ANO5: variants seen among roughly 807,000 people sequenced by gnomAD.
ANO5 encodes the protein anoctamin 5, also known as anoctamin-5.
A neutral mutation model predicts 121.0 loss-of-function variants in ANO5; 109 were observed. The observed-to-expected ratio is 0.90, with a 90% CI of 0.77 to 1.06. The LOEUF is 1.06. Among genes scored for constraint, ANO5 ranks in the 50% least tolerant of loss-of-function variants. The pLI is 0.00. For missense variants in ANO5, 1,064 were observed against 1,078.5 expected (o/e 0.99, Z 0.19); for synonymous variants, 406 against 359.9 (o/e 1.13, Z -1.45).
In ANO5 at chr11:22,196,054, C is replaced by A. The variant is rs183609564; in HGVS notation, c.40+2522C>A. On this transcript the variant is annotated intron_variant, in intron 1 of 21. Coordinates refer to ENST00000324559, the MANE Select transcript of ANO5 (RefSeq NM_213599.3). ...TTCTTTTGCTGGTTTAGTTTTACTG[C>A]CCATTATTGAGACCTGTGTTCTTAT... 1.8e-3 allele frequency among the ~76,000 whole-genome samples: 273 copies of A among 152,234 alleles called. 3 individuals carry two copies. The highest frequency in any genetic ancestry group is 6.1e-3 in the African/African-American group (252 of 41,540).
chr11:22,249,579 G>A (rs1469863136), intron 9 of ANO5, among the ~76,000 whole-genome samples: 1 of 152,002 alleles, frequency 6.6e-6, no homozygotes, highest in Non-Finnish European at 1.5e-5. Flanking sequence ...CAAAACACTT[G>A]GTTGTGAGAA....
upstream of ANO5, chr11:22,192,891 C>A: frequency 1.3e-6 from 1 of 789,698 alleles, no homozygotes; most frequent in Non-Finnish European, 1.5e-6. Flanking sequence ...GTGCGGGAGG[C>A]GGCAGAGCAG....
chr11:22,241,732 G>C (rs191890420), intron 9 of ANO5, among the ~76,000 whole-genome samples: 49 of 152,044 alleles, frequency 3.2e-4, no homozygotes, highest in African/African-American at 1.1e-3. Flanking sequence ...TTATTTATTG[G>C]GGTTATTTGG....
At chr11:22,240,086 G>A (rs1202874431) in intron 9 of ANO5, among the ~76,000 whole-genome samples, 2 of 151,976 alleles carry the variant, frequency 1.3e-5, no homozygotes, top group Non-Finnish European at 2.9e-5. Flanking sequence ...TAGCATAGGG[G>A]CTAACACTTA....
intron 3 of ANO5, among the ~76,000 whole-genome samples, chr11:22,215,788 C>A (rs889707962): frequency 1.3e-5 from 2 of 151,838 alleles, no homozygotes; most frequent in Non-Finnish European, 2.9e-5. Flanking sequence ...AGAAAATTTC[C>A]ATTACCTCAA....
At chr11:22,206,421 A>AT (rs1852123767) in intron 2 of ANO5, among the ~76,000 whole-genome samples, 1 of 151,974 alleles carries the variant, frequency 6.6e-6, no homozygotes, top group Non-Finnish European at 1.5e-5. Flanking sequence ...GGTTTAAGTG[A>AT]TTCCCCTTCC....
intron 3 of ANO5, among the ~76,000 whole-genome samples, chr11:22,216,287 C>A (rs1382928069): frequency 1.3e-5 from 2 of 151,814 alleles, no homozygotes; most frequent in Non-Finnish European, 2.9e-5. Context: ...GTGGTTGTAC[C>A]ATTTTTTATT....
intron 17 of ANO5, among the ~76,000 whole-genome samples, chr11:22,264,027 T>TC (rs1854279858): frequency 6.7e-6 from 1 of 149,258 alleles, no homozygotes; most frequent in Non-Finnish European, 1.5e-5. Flanking sequence ...GCCAAACCTT[T>TC]TTTTTTTTTT....
intron 9 of ANO5, among the ~76,000 whole-genome samples, chr11:22,243,431 G>A (rs1853501511): frequency 2.0e-5 from 3 of 152,034 alleles, no homozygotes; most frequent in Non-Finnish European, 4.4e-5. Flanking sequence ...TGGTTTCATA[G>A]AACGAGTTAT....
intron 3 of ANO5, among the ~76,000 whole-genome samples, chr11:22,214,601 A>G (rs566100785): frequency 1.3e-5 from 2 of 152,086 alleles, no homozygotes; most frequent in South Asian, 4.2e-4. Context: ...AGAAGGAAGA[A>G]CTCATATACT....
intron 18 of ANO5, among the ~76,000 whole-genome samples, 155 bp downstream of exon 18, chr11:22,270,597 T>C (rs1429438143): frequency 6.6e-6 from 1 of 152,230 alleles, no homozygotes; most frequent in Non-Finnish European, 1.5e-5. Context: ...AGAAAATTTG[T>C]TCCCTATTTC....
At position 22,223,602 on chromosome 11, in the gene ANO5, G is replaced by A. The variant is rs376729021; in HGVS notation, c.295-2382G>A. Among the ~76,000 whole-genome samples, 705 of 152,104 alleles carry A rather than the reference G, an allele frequency of 4.6e-3. 2 individuals are homozygous for A. Among genetic ancestry groups the A allele is most frequent in the Non-Finnish European group, 8.1e-3 (551 of 67,960 alleles). On this transcript the variant is annotated intron_variant, in intron 5 of 21. Coordinates refer to ENST00000324559, the MANE Select transcript of ANO5 (RefSeq NM_213599.3). ...TTCTGGGAGTGGAGGGAACTCTTCA[G>A]AAAAGCAAGTCCCAGACACTAGGAC...
chr11:22,264,738 CAG>C (rs1854306357), intron 17 of ANO5, among the ~76,000 whole-genome samples: 1 of 152,036 alleles, frequency 6.6e-6, no homozygotes, highest in Middle Eastern at 3.4e-3. Flanking sequence ...TAAAAACTGA[CAG>C]AAATGAAATA....
intron 8 of ANO5, among the ~76,000 whole-genome samples, chr11:22,238,202 A>C (rs1319317567): frequency 6.6e-6 from 1 of 152,060 alleles, no homozygotes; most frequent in African/African-American, 2.4e-5. Flanking sequence ...CGTTTGGTAA[A>C]GCAGAAAGAT....
intron 3 of ANO5, among the ~76,000 whole-genome samples, chr11:22,211,822 G>C (rs947657560): frequency 6.6e-6 from 1 of 151,902 alleles, no homozygotes; most frequent in Non-Finnish European, 1.5e-5. Context: ...AGTAAAAAAT[G>C]CCTTTTGGGA....
chr11:22,262,052 T>G, intron 15 of ANO5, 77 bp from the exon 16 acceptor site: 1 of 1,407,946 alleles, frequency 7.1e-7, no homozygotes, highest in South Asian at 1.2e-5. Context: ...TGACTAGATG[T>G]TCACTTGTCC....
At chr11:22,197,468 T>G (rs571716481) in intron 1 of ANO5, among the ~76,000 whole-genome samples, 1 of 152,172 alleles carries the variant, frequency 6.6e-6, no homozygotes, top group East Asian at 1.9e-4. Flanking sequence ...ATACAGTTGG[T>G]ATTGGAAAAG....
chr11:22,202,431 A>G (rs1025252494), intron 1 of ANO5, among the ~76,000 whole-genome samples: 4 of 148,408 alleles, frequency 2.7e-5, no homozygotes, highest in African/African-American at 9.9e-5. Flanking sequence ...TTGGGTTGTG[A>G]AAAAGCTATA....
At chr11:22,257,178 T>C (rs1401959268) in intron 13 of ANO5, among the ~76,000 whole-genome samples, 1 of 152,152 alleles carries the variant, frequency 6.6e-6, no homozygotes, top group African/African-American at 2.4e-5. Context: ...AGCTGTATAA[T>C]CAATATCTTT....
Sources: allele counts gnomAD v4.1 joint callset (sites outside exome capture counted in the v4.1 genomes callset), GRCh38; gene constraint gnomAD v4.1.1; transcripts MANE v1.5; gene names NCBI Gene and HGNC (gene_info 2026-07-23, HGNC 2026-07-21).